TBC1D15: variants seen among roughly 807,000 people sequenced by gnomAD.
The protein encoded by TBC1D15 is TBC1 domain family member 15.
A neutral mutation model predicts 95.4 loss-of-function variants in TBC1D15; 39 were observed. The observed-to-expected ratio is 0.41, with a 90% CI of 0.32 to 0.53. The LOEUF is 0.53. Among genes scored for constraint, TBC1D15 ranks in the 20% least tolerant of loss-of-function variants. The pLI is 0.29. For missense variants in TBC1D15, 733 were observed against 794.3 expected (o/e 0.92, Z 0.93); for synonymous variants, 258 against 261.3 (o/e 0.99, Z 0.12).
At chr12:71,921,854 T>A (rs540921281) in intron 16 of TBC1D15, among the ~76,000 whole-genome samples, 1 of 152,236 alleles carries the variant, frequency 6.6e-6, no homozygotes, top group Non-Finnish European at 1.5e-5. Context: ...CACTCACTTA[T>A]ATTAGTCAAG....
At position 71,851,519 on chromosome 12, in the gene TBC1D15, C is replaced by T. The variant is rs112843383; in HGVS notation, c.30+11708C>T. ...TCAGAAGTCCAAAGTCTCATCTGAGCCAAGGCTAGTCCTTTCCACCTGTGA... is the reference window on the plus strand; with the variant it reads ...TCAGAAGTCCAAAGTCTCATCTGAGTCAAGGCTAGTCCTTTCCACCTGTGA... On this transcript the variant is annotated intron_variant, in intron 1 of 16. Coordinates refer to ENST00000485960, the MANE Select transcript of TBC1D15 (RefSeq NM_001146213.3). Among the ~76,000 whole-genome samples the T allele has an allele frequency of 2.5e-3, 388 of 152,306 alleles. 1 individual carries two copies. Among genetic ancestry groups the T allele is most frequent in the African/African-American group, 8.8e-3 (367 of 41,566 alleles).
At chr12:71,854,760 C>G (rs1226029785) in intron 1 of TBC1D15, 2 of 456,432 alleles carry the variant, frequency 4.4e-6, no homozygotes, top group South Asian at 3.1e-5. Flanking sequence ...AATTGCATTC[C>G]TCTCCCCCCC....
At chr12:71,902,276 T>G (rs760528348) in intron 10 of TBC1D15, among the ~76,000 whole-genome samples, 2 of 152,152 alleles carry the variant, frequency 1.3e-5, no homozygotes, top group Non-Finnish European at 2.9e-5. Flanking sequence ...CAAAGCAATC[T>G]TAATGCAAAA....
intron 1 of TBC1D15, chr12:71,849,885 T>A: frequency 1.7e-6 from 1 of 573,142 alleles, no homozygotes. Context: ...ATGTTTGGGG[T>A]CCACCAAAGC....
At chr12:71,916,266 C>T (rs922083717) in intron 12 of TBC1D15, among the ~76,000 whole-genome samples, 4 of 151,988 alleles carry the variant, frequency 2.6e-5, no homozygotes, top group Non-Finnish European at 4.4e-5. Context: ...ACCACTTTTT[C>T]GAATATGGTG....
chr12:71,869,131 T>C (rs955010284), intron 1 of TBC1D15, among the ~76,000 whole-genome samples: 3 of 152,176 alleles, frequency 2.0e-5, no homozygotes, highest in African/African-American at 4.8e-5. Flanking sequence ...AATCTACTTA[T>C]TTAACTGGAG....
chr12:71,906,238 A>G (rs1242492632), intron 10 of TBC1D15, among the ~76,000 whole-genome samples: 1 of 152,206 alleles, frequency 6.6e-6, no homozygotes, highest in Non-Finnish European at 1.5e-5. Flanking sequence ...GAGGGGAGGC[A>G]GTTATCACTT....
At chr12:71,890,769 A>C (rs1473393133) in intron 5 of TBC1D15, among the ~76,000 whole-genome samples, 1 of 152,198 alleles carries the variant, frequency 6.6e-6, no homozygotes, top group Non-Finnish European at 1.5e-5. Flanking sequence ...ATTTACCAGG[A>C]AAACAAATTG....
At position 71,917,815 on chromosome 12, in the gene TBC1D15, G is replaced by T; in HGVS notation, c.1501+18G>T. On this transcript the variant is annotated intron_variant, in intron 13 of 16. Transcript: ENST00000485960. ...TTACTTAGGTAAGTTTAGTGAATCA[G>T]AACTATACCCAGCAAATTGTAGAGT... 1.3e-6 allele frequency: 2 copies of T among 1,511,410 alleles called. No homozygotes were observed. The highest frequency in any genetic ancestry group is 2.3e-5 in the South Asian group (2 of 87,516). The allele number at this position is 1,511,410 out of a possible 1,614,324, so 93.6% of individuals were successfully genotyped here.
intron 16 of TBC1D15, among the ~76,000 whole-genome samples, chr12:71,922,187 C>G (rs934829096): frequency 1.3e-5 from 2 of 152,084 alleles, no homozygotes; most frequent in Non-Finnish European, 2.9e-5. Context: ...TGAGTTCAGT[C>G]GATTCTCCTG....
intron 1 of TBC1D15, chr12:71,861,315 AC>A (rs1431840219): frequency 1.9e-6 from 1 of 514,570 alleles, no homozygotes; most frequent in Non-Finnish European, 3.2e-6. Flanking sequence ...GTAGAATTCC[AC>A]AGTGAAGCCA....
intron 1 of TBC1D15, among the ~76,000 whole-genome samples, chr12:71,851,033 A>AT (rs1190097143): frequency 2.0e-5 from 3 of 151,490 alleles, no homozygotes; most frequent in Admixed American, 2.0e-4. Flanking sequence ...AGACTTGGTA[A>AT]TTTATAGATA....
intron 1 of TBC1D15, among the ~76,000 whole-genome samples, chr12:71,867,234 A>G (rs1891686887): frequency 6.6e-6 from 1 of 152,246 alleles, no homozygotes; most frequent in Non-Finnish European, 1.5e-5. Flanking sequence ...AAGCCATTTC[A>G]GGAACTGTTG....
chr12:71,859,648 C>A (rs1406502640), intron 1 of TBC1D15, among the ~76,000 whole-genome samples: 2 of 151,688 alleles, frequency 1.3e-5, no homozygotes, highest in Admixed American at 1.3e-4. Context: ...CACTATGTTG[C>A]CCGGGCTGGA....
intron 1 of TBC1D15, among the ~76,000 whole-genome samples, chr12:71,864,293 C>T (rs181708750): frequency 6.6e-6 from 1 of 152,170 alleles, no homozygotes; most frequent in African/African-American, 2.4e-5. Flanking sequence ...TGGTCTTGAT[C>T]TCTTGACCTC....
intron 1 of TBC1D15, among the ~76,000 whole-genome samples, chr12:71,856,191 A>C (rs889211102): frequency 2.0e-5 from 3 of 152,140 alleles, no homozygotes; most frequent in African/African-American, 7.2e-5. Context: ...ATTTTAGATA[A>C]GTTTTTGCCA....
chr12:71,855,347 C>T (rs1032479292), intron 1 of TBC1D15, among the ~76,000 whole-genome samples: 1 of 152,108 alleles, frequency 6.6e-6, no homozygotes, highest in Non-Finnish European at 1.5e-5. Flanking sequence ...TAATTTTTAG[C>T]ATTTTTGTTG....
chr12:71,903,828 A>G (rs1182775728), intron 10 of TBC1D15, among the ~76,000 whole-genome samples: 2 of 152,136 alleles, frequency 1.3e-5, no homozygotes, highest in African/African-American at 4.8e-5. Context: ...ACAAAAAAGG[A>G]AACAGTAGAC....
chr12:71,916,692 C>T (rs756272452), intron 12 of TBC1D15, among the ~76,000 whole-genome samples: 5 of 152,128 alleles, frequency 3.3e-5, no homozygotes, highest in Non-Finnish European at 7.4e-5. Context: ...GGGATCGGGA[C>T]ATATGAGTTA....
Sources: allele counts gnomAD v4.1 joint callset (sites outside exome capture counted in the v4.1 genomes callset), GRCh38; gene constraint gnomAD v4.1.1; transcripts MANE v1.5; gene names NCBI Gene and HGNC (gene_info 2026-07-23, HGNC 2026-07-21).